The following RORA variants were observed in gnomAD, a reference collection of about 807,000 sequenced individuals.
The protein encoded by RORA is RAR related orphan receptor A.
In RORA, 7 loss-of-function variants were observed where a neutral mutation model predicts 69.5. The observed-to-expected ratio is 0.10, with a 90% CI of 0.06 to 0.19. The LOEUF is 0.19. Among genes scored for constraint, RORA ranks in the 10% least tolerant of loss-of-function variants. The probability of loss-of-function intolerance (pLI) is 1.00; values close to 1 mark genes in which losing one functional copy is unlikely to be tolerated. For missense variants in RORA, 457 were observed against 663.0 expected (o/e 0.69, Z 3.41); for synonymous variants, 261 against 240.8 (o/e 1.08, Z -0.78).
intron 2 of RORA, among the ~76,000 whole-genome samples, chr15:60,616,365 C>G (rs1284845620): frequency 6.6e-6 from 1 of 152,174 alleles, no homozygotes; most frequent in East Asian, 1.9e-4. Flanking sequence ...ACCTTGTTGT[C>G]TGTTAAAATC....
rs550416260 is a variant in RORA at position 61,072,696 on chromosome 15, A to G, written c.166+156357T>C. ...TTTTATTATAAACCATTCTTATTTT[A>G]TAAAACACAGCCCTACTCCCAGAAA... On this transcript the variant is annotated intron_variant, in intron 1 of 10. Transcript: ENST00000335670. Among the ~76,000 whole-genome samples the G allele has an allele frequency of 7.9e-5, 12 of 152,356 alleles. No homozygotes were observed. In the East Asian group the frequency reaches 2.3e-3, roughly 29 times the overall value.
chr15:60,515,871 A>C (rs868378720), intron 3 of RORA, among the ~76,000 whole-genome samples: 1 of 132,900 alleles, frequency 7.5e-6, no homozygotes. Flanking sequence ...TGCCTGGCTA[A>C]TTATACATAC....
rs1031189372 is a variant in RORA, at chr15:60,900,347, C to A, written c.167-221661G>T. 2.6e-4 allele frequency among the ~76,000 whole-genome samples: 39 copies of A among 152,214 alleles called. 1 individual carries two copies. Among genetic ancestry groups the A allele is most frequent in the Non-Finnish European group, 5.9e-5 (4 of 68,034 alleles). ...CAGTAGCCCAACAGCACACAAGTTACAGCACACAAGTTACACAGACTTCCT... is the reference window on the plus strand; with the variant it reads ...CAGTAGCCCAACAGCACACAAGTTAAAGCACACAAGTTACACAGACTTCCT... On this transcript the variant is annotated intron_variant, in intron 1 of 10. Coordinates refer to ENST00000335670, the MANE Select transcript of RORA (RefSeq NM_134261.3).
intron 1 of RORA, among the ~76,000 whole-genome samples, chr15:61,170,724 T>C (rs2079577835): frequency 6.6e-6 from 1 of 152,236 alleles, no homozygotes; most frequent in Non-Finnish European, 1.5e-5. Context: ...ATTATATCAA[T>C]ATACCAATAC....
chr15:60,872,584 TG>T (rs2073569082), intron 1 of RORA, among the ~76,000 whole-genome samples: 2 of 152,142 alleles, frequency 1.3e-5, no homozygotes, highest in African/African-American at 4.8e-5. Flanking sequence ...AACTGCAGAG[TG>T]GAATCACTTC....
chr15:61,194,268 C>T (rs1021386763), intron 1 of RORA: 3 of 152,160 alleles, frequency 2.0e-5, no homozygotes, highest in African/African-American at 7.2e-5. Flanking sequence ...TACTTAAAAT[C>T]TGTAACACAG....
intron 1 of RORA, among the ~76,000 whole-genome samples, chr15:60,733,732 G>A (rs147056940): frequency 7.5e-4 from 114 of 152,278 alleles, no homozygotes; most frequent in African/African-American, 2.6e-3. Context: ...AAGGAGGTAT[G>A]ATAATCAAGC....
chr15:60,621,009 C>A (rs1325567381), intron 2 of RORA, among the ~76,000 whole-genome samples: 1 of 152,232 alleles, frequency 6.6e-6, no homozygotes, highest in Non-Finnish European at 1.5e-5. Context: ...TCTATACACG[C>A]TTCCTGCGCA....
chr15:60,592,622 C>G lies in RORA; in HGVS notation c.197-60771G>C, dbSNP rs1486291715. On this transcript the variant is annotated intron_variant, in intron 2 of 10. Transcript: ENST00000335670. ...CTGTTTACACCGCGCCCCTCCGCTT[C>G]CTCCCGGGGCGGGAGGCGGGAGGCG... 10 of 1,157,414 alleles carry G rather than the reference C, an allele frequency of 8.6e-6. 1 individual carries two copies. Among genetic ancestry groups the G allele is most frequent in the Non-Finnish European group, 1.1e-5 (10 of 944,802 alleles). 71.7% of individuals were successfully genotyped at this position (1,157,414 alleles called of 1,614,324 possible).
intron 1 of RORA, among the ~76,000 whole-genome samples, chr15:61,035,605 C>CA (rs1236190239): frequency 1.3e-5 from 2 of 152,162 alleles, no homozygotes; most frequent in Non-Finnish European, 2.9e-5. Flanking sequence ...TAGAATGAGA[C>CA]AGAGGCCTTC....
At chr15:61,059,982 G>GAA (rs1555406760) in intron 1 of RORA, among the ~76,000 whole-genome samples, 174 of 77,350 alleles carry the variant, frequency 2.2e-3, no homozygotes, top group African/African-American at 4.5e-3. Context: ...AAGAGGAAGA[G>GAA]GAAGAGGAAG....
intron 1 of RORA, among the ~76,000 whole-genome samples, chr15:60,813,710 A>G (rs1266678487): frequency 6.6e-6 from 1 of 152,230 alleles, no homozygotes; most frequent in East Asian, 1.9e-4. Context: ...ATAATTACCT[A>G]TCAGATCAAA....
intron 1 of RORA, among the ~76,000 whole-genome samples, chr15:60,891,980 T>C (rs753225375): frequency 3.0e-4 from 45 of 152,166 alleles, no homozygotes; most frequent in African/African-American, 8.7e-4. Context: ...CAGAGGAAGA[T>C]GACAAAGAAG....
intron 1 of RORA, among the ~76,000 whole-genome samples, chr15:61,168,286 T>C (rs1433633180): frequency 6.6e-6 from 1 of 152,058 alleles, no homozygotes; most frequent in Non-Finnish European, 1.5e-5. Flanking sequence ...TGGAGTGCCG[T>C]GGCGTGATCT....
At chr15:61,212,146 T>C (rs2079998194) in intron 1 of RORA, among the ~76,000 whole-genome samples, 1 of 152,240 alleles carries the variant, frequency 6.6e-6, no homozygotes, top group South Asian at 2.1e-4. Flanking sequence ...ACAGCTACTA[T>C]TCATTCCATT....
At chr15:61,181,040 C>A (rs1231433923) in intron 1 of RORA, among the ~76,000 whole-genome samples, 2 of 148,372 alleles carry the variant, frequency 1.3e-5, no homozygotes, top group Admixed American at 6.9e-5. Flanking sequence ...GGAGGCAGAG[C>A]TTGCAGTAAG....
chr15:61,196,126 A>G (rs1708305358), intron 1 of RORA, among the ~76,000 whole-genome samples: 1 of 152,258 alleles, frequency 6.6e-6, no homozygotes, highest in Admixed American at 6.5e-5. Flanking sequence ...ACCAAGGGTC[A>G]CAATTCAAAT....
chr15:60,635,442 TA>T (rs986646611), intron 2 of RORA, among the ~76,000 whole-genome samples: 2 of 152,160 alleles, frequency 1.3e-5, no homozygotes, highest in African/African-American at 4.8e-5. Flanking sequence ...TCTAGATATT[TA>T]AAAAATAGCC....
chr15:61,186,023 G>A (rs1196585827), intron 1 of RORA, among the ~76,000 whole-genome samples: 3 of 152,140 alleles, frequency 2.0e-5, no homozygotes, highest in Non-Finnish European at 2.9e-5. Flanking sequence ...TGATTATTCA[G>A]TACTCAATAC....
Sources: gnomAD v4.1 joint callset for allele counts (sites outside exome capture counted in the v4.1 genomes callset) on GRCh38, gnomAD v4.1.1 for gene constraint, MANE v1.5 for transcripts, NCBI Gene and HGNC (gene_info 2026-07-23, HGNC 2026-07-21) for gene names.